The following FHOD3 variants were observed in gnomAD, a reference collection of about 807,000 sequenced individuals.
FHOD3 encodes formin homology 2 domain containing 3.
FHOD3 carries 90 observed loss-of-function variants against 173.0 expected under a neutral mutation model. The ratio of observed to expected loss-of-function variants is 0.52; its 90% CI spans 0.44 to 0.62. The LOEUF (loss-of-function observed/expected upper bound fraction) is 0.62. Ranked by LOEUF, FHOD3 falls within the 20% of genes least tolerant of loss-of-function variation. The pLI is 0.00. For missense variants in FHOD3, 1,945 were observed against 2,034.7 expected, an observed-to-expected ratio of 0.96 and a Z score of 0.85; for synonymous variants, 828 against 823.0, an observed-to-expected ratio of 1.01 and a Z score of -0.10.
At chr18:36,331,473 C>G (rs545899152) in intron 1 of FHOD3, among the ~76,000 whole-genome samples, 2 of 152,336 alleles carry the variant, frequency 1.3e-5, no homozygotes, top group Non-Finnish European at 2.9e-5. Flanking sequence ...GGCAGTTCTT[C>G]TGCTACAGCA....
In FHOD3 at chr18:36,732,270, C is replaced by T. The variant is rs77334772; in HGVS notation, c.3576+1466C>T. Among the ~76,000 whole-genome samples, 1,391 of 152,306 alleles carry T rather than the reference C, an allele frequency of 9.1e-3. 16 individuals carry two copies. Among genetic ancestry groups the T allele is most frequent in the Non-Finnish European group, 0.014 (936 of 68,036 alleles). ...TGCTGACACCTTGATTTTGGACTTC[C>T]AGATTCTAGAACTGTGGGAGAATGC... On this transcript the variant is annotated intron_variant, in intron 20 of 28. Coordinates refer to ENST00000590592, the MANE Select transcript of FHOD3 (RefSeq NM_001281740.3).
At chr18:36,694,430 A>T (rs2039140528) in intron 17 of FHOD3, among the ~76,000 whole-genome samples, 1 of 152,180 alleles carries the variant, frequency 6.6e-6, no homozygotes, top group Non-Finnish European at 1.5e-5. Context: ...GCTTCCCGTG[A>T]CATCCCGTTA....
At chr18:36,480,067 A>C (rs1454455523) in intron 3 of FHOD3, among the ~76,000 whole-genome samples, 1 of 152,224 alleles carries the variant, frequency 6.6e-6, no homozygotes, top group Non-Finnish European at 1.5e-5. Flanking sequence ...TAATTCTGCA[A>C]ACTGGGTTTA....
intron 15 of FHOD3, among the ~76,000 whole-genome samples, chr18:36,684,641 C>T (rs2038483101): frequency 6.6e-6 from 1 of 152,056 alleles, no homozygotes; most frequent in Admixed American, 6.5e-5. Flanking sequence ...GAAGATAGAA[C>T]AACAGAAATT....
chr18:36,613,343 A>T (rs965815075), intron 9 of FHOD3, among the ~76,000 whole-genome samples: 1 of 152,142 alleles, frequency 6.6e-6, no homozygotes. Context: ...GACCTTGTTG[A>T]CTTGAGTTCA....
intron 5 of FHOD3, among the ~76,000 whole-genome samples, chr18:36,561,736 A>G (rs989627788): frequency 4.6e-5 from 7 of 152,180 alleles, no homozygotes; most frequent in Non-Finnish European, 8.8e-5. Context: ...CCCCCACTCC[A>G]TCTTTTTTCT....
chr18:36,760,774 C>T lies in FHOD3; in HGVS notation c.4616C>T (p.Ala1539Val). The T allele has an allele frequency of 6.2e-7, 1 of 1,608,510 alleles. No homozygotes were observed. Among genetic ancestry groups the T allele is most frequent in the Non-Finnish European group, 8.5e-7 (1 of 1,178,238 alleles). The change falls in exon 27 of 29, where the codon GCA becomes GTA. Residue 1539 changes from alanine (A) to valine (V), a missense_variant. Transcript: ENST00000590592. ...PALGVRTRSRASRGSTSSWTM... is the reference protein window; with the variant it reads ...PALGVRTRSRVSRGSTSSWTM... ...CTGGGCGTCCGCACACGCAGCCGAG[C>T]AAGCCGAGGTAACTCCTGGCTGCGC...
intron 1 of FHOD3, among the ~76,000 whole-genome samples, chr18:36,312,508 A>C (rs1464072716): frequency 2.0e-5 from 3 of 152,006 alleles, no homozygotes; most frequent in Non-Finnish European, 4.4e-5. Flanking sequence ...AGATCTTGTC[A>C]TCTTCCCACA....
chr18:36,563,425 C>A lies in FHOD3; in HGVS notation c.512-13026C>A, dbSNP rs561391696. The stretch of plus-strand genomic sequence containing the variant: ...CCTTGGAACTGGGAGTTTTGGAGGT[C>A]TTTGGGTTAAACCCTTGTGTCTCTC... On this transcript the variant is annotated intron_variant, in intron 5 of 28. Coordinates refer to ENST00000590592, the MANE Select transcript of FHOD3 (RefSeq NM_001281740.3). 4.7e-4 allele frequency among the ~76,000 whole-genome samples: 72 copies of A among 152,288 alleles called. 3 individuals are homozygous for A. In the South Asian group the frequency reaches 0.014, roughly 30 times the overall value.
intron 5 of FHOD3, among the ~76,000 whole-genome samples, chr18:36,534,298 GT>G (rs2056903642): frequency 6.6e-6 from 1 of 152,034 alleles, no homozygotes; most frequent in South Asian, 2.1e-4. Flanking sequence ...CTGTGCTGTT[GT>G]TTCTAAAGAG....
At chr18:36,627,867 C>T (rs1458674191) in intron 10 of FHOD3, among the ~76,000 whole-genome samples, 2 of 152,148 alleles carry the variant, frequency 1.3e-5, no homozygotes, top group East Asian at 3.9e-4. Context: ...TCAAGTGGCT[C>T]ATTGTGTTCT....
intron 3 of FHOD3, among the ~76,000 whole-genome samples, chr18:36,452,123 C>T (rs1010119388): frequency 6.6e-5 from 10 of 152,252 alleles, no homozygotes; most frequent in African/African-American, 1.7e-4. Context: ...ATTGTCATCA[C>T]GAGTTACGAG....
At chr18:36,767,819 T>TACAC (rs755778635) in intron 27 of FHOD3, among the ~76,000 whole-genome samples, 1 of 151,224 alleles carries the variant, frequency 6.6e-6, no homozygotes, top group Non-Finnish European at 1.5e-5. Flanking sequence ...ATATGTCAAC[T>TACAC]ACACACACAC....
chr18:36,342,714 G>T (rs190171242), intron 1 of FHOD3, among the ~76,000 whole-genome samples: 2 of 152,138 alleles, frequency 1.3e-5, no homozygotes, highest in Non-Finnish European at 2.9e-5. Flanking sequence ...GCCTCAAAGG[G>T]CATCATCAGA....
chr18:36,645,009 C>T (rs2035581610), intron 10 of FHOD3, among the ~76,000 whole-genome samples: 1 of 152,164 alleles, frequency 6.6e-6, no homozygotes, highest in Non-Finnish European at 1.5e-5. Context: ...CACCTGCAAA[C>T]TCCTGATCAA....
At chr18:36,602,411 G>A (rs2031513075) in intron 7 of FHOD3, among the ~76,000 whole-genome samples, 1 of 152,130 alleles carries the variant, frequency 6.6e-6, no homozygotes, top group South Asian at 2.1e-4. Flanking sequence ...AAATTTTCAA[G>A]CAAGTAAGCA....
chr18:36,587,912 C>T (rs1029222215), intron 6 of FHOD3, among the ~76,000 whole-genome samples: 1 of 152,212 alleles, frequency 6.6e-6, no homozygotes, highest in Non-Finnish European at 1.5e-5. Context: ...CCCAGCCTTA[C>T]ACTTGGTTAC....
intron 3 of FHOD3, among the ~76,000 whole-genome samples, chr18:36,467,014 C>A (rs2052984556): frequency 6.6e-6 from 1 of 152,142 alleles, no homozygotes; most frequent in South Asian, 2.1e-4. Context: ...GACCTGCAGG[C>A]CCCTAAGAGG....
chr18:36,525,511 A>G (rs1335520888), intron 5 of FHOD3, among the ~76,000 whole-genome samples: 3 of 152,202 alleles, frequency 2.0e-5, no homozygotes, highest in African/African-American at 7.2e-5. Context: ...TGATAAATGT[A>G]TGTTGTTTTA....
Sources: gnomAD v4.1 joint callset for allele counts (sites outside exome capture counted in the v4.1 genomes callset) on GRCh38, gnomAD v4.1.1 for gene constraint, MANE v1.5 for transcripts, NCBI Gene and HGNC (gene_info 2026-07-23, HGNC 2026-07-21) for gene names.